ECSCR: variants seen among roughly 807,000 people sequenced by gnomAD.
The protein encoded by ECSCR is endothelial cell surface expressed chemotaxis and apoptosis regulator.
In ECSCR, 12 loss-of-function variants were observed where a neutral mutation model predicts 16.7. The ratio of observed to expected loss-of-function variants is 0.72; its 90% CI spans 0.46 to 1.17. The LOEUF is 1.17. Ranked by LOEUF, ECSCR falls within the 50% of genes most tolerant of loss-of-function variation. ECSCR has a pLI of 0.00. For missense variants in ECSCR, 122 were observed against 116.1 expected, an observed-to-expected ratio of 1.05 and a Z score of -0.23; for synonymous variants, 44 against 42.2, an observed-to-expected ratio of 1.04 and a Z score of -0.17.
chr5:139,457,799 C>G lies in ECSCR; in HGVS notation c.115G>C (p.Gly39Arg). 1.2e-6 allele frequency: 2 copies of G among 1,609,472 alleles called. No individual in the cohort carries two copies. The highest frequency in any genetic ancestry group is 2.2e-5 in the South Asian group (2 of 90,316). ...GGCTCTGTGGTCAGACTTAGACCGC[C>G]AAGGCCTCCTGAAACAGAACATCTG... ...TQTSSSQGGL[G>R]GLSLTTEPVS... The change falls in exon 3 of 10, where the codon GGC (glycine) becomes CGC (arginine). Residue 39 changes from glycine to arginine, a missense_variant. Coordinates refer to ENST00000618155, the MANE Select transcript of ECSCR (RefSeq NM_001077693.4).
At chr5:139,457,715 T>A (rs1274453473) in intron 3 of ECSCR, 42 bp downstream of exon 3, 1 of 1,610,942 alleles carries the variant, frequency 6.2e-7, no homozygotes. Context: ...AATGAATGGG[T>A]GTGGGGCAGG....
At chr5:139,448,935 G>C in intron 9 of ECSCR, 27 bp from the exon 10 acceptor site, 2 of 1,537,226 alleles carry the variant, frequency 1.3e-6, no homozygotes, top group South Asian at 1.2e-5. Flanking sequence ...TAATGGGGAA[G>C]GGTGAACTTT....
At chr5:139,461,359 T>C (rs1489839026) in intron 1 of ECSCR, among the ~76,000 whole-genome samples, 1 of 152,130 alleles carries the variant, frequency 6.6e-6, no homozygotes, top group Non-Finnish European at 1.5e-5. Context: ...AGTCCCTTTA[T>C]GGGCCTGAAT....
chr5:139,459,329 G>GTA (rs1751241888), intron 1 of ECSCR, among the ~76,000 whole-genome samples: 1 of 152,106 alleles, frequency 6.6e-6, no homozygotes, highest in African/African-American at 2.4e-5. Context: ...AAGTTCTGAG[G>GTA]TATATATAGG....
At chr5:139,449,338 C>A (rs936208505) in intron 8 of ECSCR, among the ~76,000 whole-genome samples, 164 bp from the exon 9 acceptor site, 1 of 151,990 alleles carries the variant, frequency 6.6e-6, no homozygotes, top group African/African-American at 2.4e-5. Flanking sequence ...CGAAAGACTG[C>A]ATTTATTTAT....
chr5:139,449,318 C>T (rs1750978097), intron 8 of ECSCR, 144 bp from the exon 9 acceptor site: 1 of 638,218 alleles, frequency 1.6e-6, no homozygotes, highest in Admixed American at 2.7e-5. Context: ...TGCGAGTGTG[C>T]TTTGAAGACC....
rs546398344 is a variant in ECSCR, at chr5:139,460,691, C to T, written c.61+1919G>A. Among the ~76,000 whole-genome samples, 5 of 152,130 alleles carry T rather than the reference C, an allele frequency of 3.3e-5. No individual in the cohort carries two copies. The East Asian group carries it at 5.8e-4, about 18-fold the overall frequency. On this transcript the variant is annotated intron_variant, in intron 1 of 9. Coordinates refer to ENST00000618155, the MANE Select transcript of ECSCR (RefSeq NM_001077693.4). Reference sequence around the variant, plus strand: ...CTTAGGGAGCATCTGTGTCTACAGCCGAGGGTGTCTCTGACCACTGGGCCT... The same window carrying T: ...CTTAGGGAGCATCTGTGTCTACAGCTGAGGGTGTCTCTGACCACTGGGCCT...
At chr5:139,460,201 T>C (rs1288975502) in intron 1 of ECSCR, among the ~76,000 whole-genome samples, 2 of 151,950 alleles carry the variant, frequency 1.3e-5, no homozygotes, top group Non-Finnish European at 2.9e-5. Context: ...AGTGGCGCGA[T>C]CTCAGCTCAC....
At chr5:139,458,845 CAAAA>C (rs1264082615) in intron 1 of ECSCR, among the ~76,000 whole-genome samples, 3 of 89,052 alleles carry the variant, frequency 3.4e-5, no homozygotes, top group African/African-American at 3.9e-5. Flanking sequence ...GACTCTGTCT[CAAAA>C]AAAAAAAAAA....
intron 1 of ECSCR, among the ~76,000 whole-genome samples, chr5:139,461,926 CA>C (rs1342237233): frequency 6.6e-6 from 1 of 152,152 alleles, no homozygotes; most frequent in Non-Finnish European, 1.5e-5. Context: ...TGATTCCCAG[CA>C]ACTGCTCCCT....
chr5:139,451,395 G>T (rs971009959), intron 8 of ECSCR, among the ~76,000 whole-genome samples: 119 of 150,684 alleles, frequency 7.9e-4, no homozygotes, highest in African/African-American at 2.9e-3. Context: ...TGGGTTTGTG[G>T]TGTGTGTGTG....
At position 139,455,311 on chromosome 5, in the gene ECSCR, T is replaced by TCC. The variant is rs1751132376; in HGVS notation, c.376+11_376+12insGG. ...GTTCCTCCTATGTCCCACCTTCTCC[T>TCC]TCCGGTCTCACCAAATGCAGCCACA... On this transcript the variant is annotated intron_variant, in intron 6 of 9. Coordinates refer to ENST00000618155, the MANE Select transcript of ECSCR (RefSeq NM_001077693.4). 2.5e-6 allele frequency: 1 copy of TCC among 398,400 alleles called. No individual in the cohort carries two copies. Among genetic ancestry groups the TCC allele is most frequent in the Non-Finnish European group, 4.4e-6 (1 of 226,078 alleles). The allele number at this position is 398,400 out of a possible 1,614,324, so 24.7% of individuals were successfully genotyped here. A position where few individuals can be genotyped will look rare whatever the true frequency, so the allele number is the denominator to read the frequency against.
chr5:139,462,145 A>G (rs2152090594), intron 1 of ECSCR, among the ~76,000 whole-genome samples: 1 of 152,270 alleles, frequency 6.6e-6, no homozygotes, highest in East Asian at 1.9e-4. Context: ...CTACATTAGG[A>G]ATTCCTAGGT....
At chr5:139,451,144 T>C (rs1405125208) in intron 8 of ECSCR, among the ~76,000 whole-genome samples, 1 of 147,190 alleles carries the variant, frequency 6.8e-6, no homozygotes, top group African/African-American at 2.5e-5. Flanking sequence ...TGGTGTGAGG[T>C]GTTGTGTGTG....
intron 8 of ECSCR, 25 bp downstream of exon 8, chr5:139,454,573 CAGAT>C (rs1751116071): frequency 2.5e-6 from 1 of 397,952 alleles, no homozygotes. Context: ...GTCTGGGTGT[CAGAT>C]AGAAGATTTT....
intron 1 of ECSCR, among the ~76,000 whole-genome samples, chr5:139,459,539 G>A (rs1423153393): frequency 2.0e-5 from 3 of 152,192 alleles, no homozygotes; most frequent in Admixed American, 6.5e-5. Flanking sequence ...GTGCCCTTGT[G>A]TGTGTCCCGC....
At chr5:139,458,090 T>C in intron 2 of ECSCR, 49 bp downstream of exon 2, 1 of 1,532,246 alleles carries the variant, frequency 6.5e-7, no homozygotes, top group Non-Finnish European at 8.8e-7. Flanking sequence ...TCACCCTTCC[T>C]AAGCTCCTAG....
At chr5:139,458,315 G>A in intron 1 of ECSCR, 132 bp from the exon 2 acceptor site, 1 of 712,828 alleles carries the variant, frequency 1.4e-6, no homozygotes, top group Non-Finnish European at 2.2e-6. Flanking sequence ...AAAAAATTTT[G>A]TTTTGTTTTG....
intron 1 of ECSCR, among the ~76,000 whole-genome samples, chr5:139,459,586 C>G (rs917770774): frequency 2.0e-5 from 3 of 152,214 alleles, no homozygotes; most frequent in Non-Finnish European, 4.4e-5. Context: ...GTTGTATTTG[C>G]TCATTTTCCA....
Sources: gnomAD v4.1 joint callset for allele counts (sites outside exome capture counted in the v4.1 genomes callset) on GRCh38, gnomAD v4.1.1 for gene constraint, MANE v1.5 for transcripts, NCBI Gene and HGNC (gene_info 2026-07-23, HGNC 2026-07-21) for gene names.